BIRC6: variants seen among roughly 807,000 people sequenced by gnomAD.
BIRC6 encodes the protein dual E2 ubiquitin-conjugating enzyme/E3 ubiquitin-protein ligase BIRC6.
A neutral mutation model predicts 503.3 loss-of-function variants in BIRC6; 98 were observed. That is an observed-to-expected ratio of 0.19 (90% CI 0.17 to 0.23). The LOEUF is 0.23. Ranked by LOEUF, BIRC6 falls within the 10% of genes least tolerant of loss-of-function variation. The pLI is 1.00. For missense variants in BIRC6, 5,360 were observed against 5,806.0 expected, an observed-to-expected ratio of 0.92 and a Z score of 2.50; for synonymous variants, 2,240 against 2,078.7, an observed-to-expected ratio of 1.08 and a Z score of -2.11.
chr2:32,542,509 A>AAG (rs1044987308), intron 61 of BIRC6, among the ~76,000 whole-genome samples: 70 of 152,308 alleles, frequency 4.6e-4, no homozygotes, highest in African/African-American at 1.6e-3. Context: ...AATGGATAAG[A>AAG]AGAGAATATT....
intron 70 of BIRC6, chr2:32,602,559 G>C (rs954113666): frequency 6.5e-6 from 1 of 153,262 alleles, no homozygotes; most frequent in Non-Finnish European, 1.5e-5. Flanking sequence ...ATTGTATTTT[G>C]TCAAACAGCT....
chr2:32,490,090 G>A lies in BIRC6; in HGVS notation c.8145G>A (p.Leu2715=), dbSNP rs2051503343. 3 of 1,613,528 alleles carry A rather than the reference G, an allele frequency of 1.9e-6. No individual in the cohort carries two copies. The East Asian group carries it at 6.7e-5, about 36-fold the overall frequency. ...TGTTAGCTTGGTATCCCAATACTTT[G>A]CTCCGGACATGGTGCCTTGTGCTTC... The part of the protein sequence containing the change: ...LTVLAWYPNT[L]LRTWCLVLHS... The change falls in exon 43 of 74, where the codon TTG becomes TTA. Residue 2715 remains leucine, a synonymous_variant. Transcript: ENST00000421745.
At chr2:32,416,596 T>C (rs2042396315) in intron 10 of BIRC6, among the ~76,000 whole-genome samples, 1 of 152,084 alleles carries the variant, frequency 6.6e-6, no homozygotes, top group Non-Finnish European at 1.5e-5. Context: ...TGGTCCTTAT[T>C]TCCTTCTGAA....
rs552409972 is a variant in BIRC6, at chr2:32,368,189, T to TTTC, written c.326-9388_326-9386dup. The stretch of plus-strand genomic sequence containing the variant: ...TGCAGCCCAGGCATACTGTTTTTTT[T>TTTC]TTCTTCTTCTTCTCAGAAGTGTGCC... On this transcript the variant is annotated intron_variant, in intron 1 of 73. Transcript: ENST00000421745. Among the ~76,000 whole-genome samples the TTTC allele has an allele frequency of 1.9e-4, 29 of 152,214 alleles. 1 individual carries two copies. In the South Asian group the frequency reaches 5.4e-3, roughly 28 times the overall value.
chr2:32,431,176 TTTATC>T, intron 12 of BIRC6, 86 bp downstream of exon 12: 2 of 447,680 alleles, frequency 4.5e-6, no homozygotes, highest in Admixed American at 4.2e-5. Context: ...TATATTACTG[TTTATC>T]TTTTTTTTTT....
At chr2:32,374,772 A>G (rs370037420) in intron 1 of BIRC6, among the ~76,000 whole-genome samples, 52 of 151,998 alleles carry the variant, frequency 3.4e-4, no homozygotes, top group Middle Eastern at 3.4e-3. Context: ...GCGCCCGGCA[A>G]TTTTTTTAAT....
chr2:32,549,090 G>A (rs905958438), intron 64 of BIRC6: 35 of 338,120 alleles, frequency 1.0e-4, no homozygotes, highest in African/African-American at 7.0e-4. Flanking sequence ...GCTTTTATAT[G>A]TCTAGTCATA....
At chr2:32,541,120 A>T (rs2057630134) in intron 61 of BIRC6, among the ~76,000 whole-genome samples, 1 of 152,112 alleles carries the variant, frequency 6.6e-6, no homozygotes, top group African/African-American at 2.4e-5. Context: ...GAAAACAATT[A>T]TGATGAGGTA....
At chr2:32,449,032 C>G in intron 22 of BIRC6, 104 bp downstream of exon 22, 6 of 1,095,806 alleles carry the variant, frequency 5.5e-6, no homozygotes, top group Non-Finnish European at 7.7e-6. Flanking sequence ...CTTTAGAAAA[C>G]TAAAATTCCT....
At chr2:32,612,874 C>T (rs2062974025) in intron 73 of BIRC6, among the ~76,000 whole-genome samples, 1 of 152,126 alleles carries the variant, frequency 6.6e-6, no homozygotes, top group African/African-American at 2.4e-5. Context: ...TTCTATTTTG[C>T]CCCTATTATT....
At chr2:32,615,930 G>A (rs1298001523) in intron 73 of BIRC6, among the ~76,000 whole-genome samples, 1 of 152,170 alleles carries the variant, frequency 6.6e-6, no homozygotes, top group South Asian at 2.1e-4. Flanking sequence ...ATCAGACCCG[G>A]CCGACACAAT....
intron 33 of BIRC6, among the ~76,000 whole-genome samples, chr2:32,475,723 A>T (rs2049682423): frequency 1.3e-5 from 2 of 152,244 alleles, no homozygotes; most frequent in Middle Eastern, 3.4e-3. Flanking sequence ...ATTATTTCTT[A>T]ATTTATTTAT....
intron 47 of BIRC6, among the ~76,000 whole-genome samples, chr2:32,502,251 T>C (rs1422897995): frequency 6.6e-6 from 1 of 152,152 alleles, no homozygotes; most frequent in Non-Finnish European, 1.5e-5. Context: ...GAAATTTATG[T>C]TGTGTATTCA....
chr2:32,383,132 C>T (rs556184181), intron 3 of BIRC6, among the ~76,000 whole-genome samples: 105 of 150,988 alleles, frequency 7.0e-4, no homozygotes, highest in African/African-American at 2.4e-3. Flanking sequence ...CTGCAAGTTC[C>T]ACCTCCTGGG....
chr2:32,419,460 TA>T (rs568523269), intron 10 of BIRC6, among the ~76,000 whole-genome samples: 1 of 151,920 alleles, frequency 6.6e-6, no homozygotes, highest in Non-Finnish European at 1.5e-5. Context: ...AGGCATAAAA[TA>T]AAAAAGTATG....
At chr2:32,609,939 C>T (rs968648394) in intron 72 of BIRC6, among the ~76,000 whole-genome samples, 46 of 152,204 alleles carry the variant, frequency 3.0e-4, no homozygotes, top group Middle Eastern at 3.4e-3. Flanking sequence ...GTATGCTTTC[C>T]CAGTTTTCCT....
intron 62 of BIRC6, 40 bp downstream of exon 62, chr2:32,543,581 T>C (rs1247295490): frequency 6.4e-7 from 1 of 1,571,518 alleles, no homozygotes; most frequent in Non-Finnish European, 8.7e-7. Flanking sequence ...CATATGTGAA[T>C]AGGTTGTGTA....
intron 10 of BIRC6, among the ~76,000 whole-genome samples, chr2:32,428,075 G>A (rs1018966788): frequency 6.6e-6 from 1 of 152,202 alleles, no homozygotes; most frequent in Non-Finnish European, 1.5e-5. Flanking sequence ...AGATTGATAG[G>A]TTTGGTGTCC....
chr2:32,398,590 A>G (rs564556056), intron 6 of BIRC6, among the ~76,000 whole-genome samples: 1 of 152,246 alleles, frequency 6.6e-6, no homozygotes, highest in East Asian at 1.9e-4. Flanking sequence ...CTATATGTAC[A>G]TTTATGTATG....
Sources: gnomAD v4.1 joint callset for allele counts (sites outside exome capture counted in the v4.1 genomes callset) on GRCh38, gnomAD v4.1.1 for gene constraint, MANE v1.5 for transcripts, NCBI Gene and HGNC (gene_info 2026-07-23, HGNC 2026-07-21) for gene names.